CHD9: variants seen among roughly 807,000 people sequenced by gnomAD.
The protein encoded by CHD9 is ATP-dependent chromatin remodeler CHD9.
A neutral mutation model predicts 316.1 loss-of-function variants in CHD9; 77 were observed. That is an observed-to-expected ratio of 0.24 (90% CI 0.20 to 0.29). The LOEUF (loss-of-function observed/expected upper bound fraction) is 0.29, where lower values mean the gene tolerates loss of function less well. Among genes scored for constraint, CHD9 ranks in the 10% least tolerant of loss-of-function variants. CHD9 has a pLI of 1.00. For synonymous variants in CHD9, 1,129 were observed against 1,158.3 expected, an observed-to-expected ratio of 0.97 and a Z score of 0.51; for missense variants, 2,763 against 3,438.1, an observed-to-expected ratio of 0.80 and a Z score of 4.91.
At chr16:53,136,827 C>G (rs2039751375) in intron 1 of CHD9, among the ~76,000 whole-genome samples, 1 of 152,094 alleles carries the variant, frequency 6.6e-6, no homozygotes, top group South Asian at 2.1e-4. Context: ...TATTCCCTTT[C>G]TGTATTCTGT....
rs535951202 is a variant in CHD9 at position 53,088,434 on chromosome 16, C to T, written c.-165+33357C>T. Among the ~76,000 whole-genome samples the T allele has an allele frequency of 2.6e-5, 4 of 151,876 alleles. 1 individual carries two copies. Among genetic ancestry groups the T allele is most frequent in the South Asian group, 4.2e-4 (2 of 4,802 alleles). On this transcript the variant is annotated intron_variant, in intron 1 of 38. Transcript: ENST00000447540. Reference sequence around the variant, plus strand: ...CTGGGACTACAGATGCCTGCCACCACGCCTGGCTAATTTTTTTGTGTTTTT... The same window carrying T: ...CTGGGACTACAGATGCCTGCCACCATGCCTGGCTAATTTTTTTGTGTTTTT...
chr16:53,084,668 G>T (rs2035311205), intron 1 of CHD9, among the ~76,000 whole-genome samples: 1 of 152,184 alleles, frequency 6.6e-6, no homozygotes. Context: ...GCTTGAACCT[G>T]GGAGGCGGAG....
intron 1 of CHD9, among the ~76,000 whole-genome samples, chr16:53,154,410 G>C (rs949005551): frequency 2.0e-5 from 3 of 152,124 alleles, no homozygotes; most frequent in African/African-American, 7.2e-5. Flanking sequence ...GATAGGCAGA[G>C]GGTTTTGTTG....
chr16:53,126,229 G>A (rs2038963474), intron 1 of CHD9, among the ~76,000 whole-genome samples: 1 of 152,150 alleles, frequency 6.6e-6, no homozygotes, highest in African/African-American at 2.4e-5. Flanking sequence ...TTTGTGTGGT[G>A]TGAGGTAGTG....
At chr16:53,231,235 AT>A (rs2048147463) in intron 8 of CHD9, among the ~76,000 whole-genome samples, 183 bp from the exon 9 acceptor site, 2 of 152,266 alleles carry the variant, frequency 1.3e-5, no homozygotes, top group East Asian at 3.9e-4. Flanking sequence ...TGGTTTTATT[AT>A]TTATAACATT....
At chr16:53,308,361 G>A (rs998262288) in intron 33 of CHD9, among the ~76,000 whole-genome samples, 3 of 152,066 alleles carry the variant, frequency 2.0e-5, no homozygotes, top group Admixed American at 6.5e-5. Context: ...CATAGTTAAT[G>A]TCCTCCAAAA....
intron 3 of CHD9, among the ~76,000 whole-genome samples, chr16:53,210,503 A>G (rs2046245583): frequency 6.6e-6 from 1 of 152,126 alleles, no homozygotes; most frequent in Non-Finnish European, 1.5e-5. Context: ...TTTTCAAAAA[A>G]TAAAATACAG....
rs756627692 is a variant in CHD9, at chr16:53,286,243, A to T, written c.5089A>T (p.Thr1697Ser). 6.2e-7 allele frequency: 1 copy of T among 1,607,698 alleles called. No individual in the cohort carries two copies. Among genetic ancestry groups the T allele is most frequent in the South Asian group, 1.1e-5 (1 of 90,880 alleles). Reference protein sequence around the residue: ...VFKHGYEKYNTIRADPALCFL... With the variant: ...VFKHGYEKYNSIRADPALCFL... ...GTTTTCAGGATATGAAAAATATAAC[A>T]CTATTCGAGCAGACCCAGCATTATG... is the stretch of plus-strand genomic sequence containing the variant. The change falls in exon 26 of 39, where the codon ACT (threonine) becomes TCT (serine). Residue 1697 changes from threonine (T) to serine (S), a missense_variant. Around this residue, in one of 15 missense-constraint regions of CHD9, gnomAD observed 183 missense variants for 258.5 expected, o/e 0.71. Transcript: ENST00000447540.
At chr16:53,155,147 T>G (rs999414357) in intron 1 of CHD9, among the ~76,000 whole-genome samples, 1 of 152,244 alleles carries the variant, frequency 6.6e-6, no homozygotes, top group African/African-American at 2.4e-5. Context: ...CTTCACCTAC[T>G]TAATTTTTTC....
At chr16:53,281,917 A>G (rs1197584716) in intron 24 of CHD9, among the ~76,000 whole-genome samples, 2 of 152,140 alleles carry the variant, frequency 1.3e-5, no homozygotes, top group Non-Finnish European at 2.9e-5. Context: ...TATTTCATTT[A>G]TAATGCCTAC....
In CHD9 at chr16:53,235,189, G is replaced by A. The variant is rs377741006; in HGVS notation, c.2516G>A (p.Arg839His). 7.5e-5 allele frequency: 116 copies of A among 1,556,640 alleles called. No homozygotes were observed. The East Asian group carries it at 1.4e-3, about 19-fold the overall frequency. The change falls in exon 11 of 39, where the codon CGT (arginine) becomes CAT (histidine). Residue 839 changes from arginine to histidine, a missense_variant. This residue lies in a region of CHD9 where 186 missense variants were observed against 245.0 expected (regional missense o/e 0.76). Transcript: ENST00000447540. Reference protein sequence around the residue: ...ASRPDTRRLDRPPSNIWKKID... With the variant: ...ASRPDTRRLDHPPSNIWKKID... ...ATTCTTTGTTTTTCCACAAAGGACC[G>A]TCCTCCTTCTAATATTTGGAAGAAA...
At chr16:53,300,100 T>C (rs1954954426) in intron 30 of CHD9, among the ~76,000 whole-genome samples, 1 of 152,226 alleles carries the variant, frequency 6.6e-6, no homozygotes, top group Non-Finnish European at 1.5e-5. Context: ...ACGCCTGTAA[T>C]CCCAACACTT....
intron 36 of CHD9, among the ~76,000 whole-genome samples, chr16:53,317,442 G>A (rs1229900901): frequency 6.6e-6 from 1 of 152,152 alleles, no homozygotes; most frequent in Non-Finnish European, 1.5e-5. Context: ...AAGTAGCATG[G>A]TTTGATTGGA....
At chr16:53,284,361 A>T (rs1204647641) in intron 24 of CHD9, among the ~76,000 whole-genome samples, 2 of 151,422 alleles carry the variant, frequency 1.3e-5, no homozygotes, top group Non-Finnish European at 2.9e-5. Context: ...GTATATATAT[A>T]TATAATATAC....
intron 1 of CHD9, among the ~76,000 whole-genome samples, chr16:53,135,673 C>T (rs2039661276): frequency 1.3e-5 from 2 of 152,186 alleles, no homozygotes; most frequent in Admixed American, 1.3e-4. Flanking sequence ...TGGACAAGTG[C>T]TTCAGAAGAA....
At chr16:53,300,537 G>A (rs2055284352) in intron 30 of CHD9, among the ~76,000 whole-genome samples, 1 of 152,160 alleles carries the variant, frequency 6.6e-6, no homozygotes, top group Non-Finnish European at 1.5e-5. Flanking sequence ...ATATCACTCA[G>A]GCTAGAAGGT....
chr16:53,130,403 A>G (rs996231358), intron 1 of CHD9, among the ~76,000 whole-genome samples: 7 of 150,426 alleles, frequency 4.7e-5, no homozygotes, highest in Admixed American at 1.3e-4. Flanking sequence ...CATGTGAGTG[A>G]CCTCTGCGCC....
intron 2 of CHD9, among the ~76,000 whole-genome samples, chr16:53,204,160 C>A (rs1054147278): frequency 7.3e-5 from 11 of 150,638 alleles, no homozygotes; most frequent in African/African-American, 2.7e-4. Context: ...ATAACCTTCA[C>A]CACCCCAGCC....
At chr16:53,224,403 G>T (rs1050904231) in intron 4 of CHD9, among the ~76,000 whole-genome samples, 1 of 152,150 alleles carries the variant, frequency 6.6e-6, no homozygotes, top group Non-Finnish European at 1.5e-5. Context: ...CTAGTGGAGT[G>T]TAATTTATGG....
Sources: gnomAD v4.1 joint callset for allele counts (sites outside exome capture counted in the v4.1 genomes callset) on GRCh38, gnomAD v4.1.1 for gene constraint, gnomAD v4.1.1 regional missense constraint, MANE v1.5 for transcripts, NCBI Gene and HGNC (gene_info 2026-07-23, HGNC 2026-07-21) for gene names.